LRFN2: variants seen among roughly 807,000 people sequenced by gnomAD.
The protein encoded by LRFN2 is leucine-rich repeat and fibronectin type-III domain-containing protein 2.
LRFN2 carries 18 observed loss-of-function variants against 37.3 expected under a neutral mutation model. That is an observed-to-expected ratio of 0.48 (90% CI 0.33 to 0.72). The LOEUF (loss-of-function observed/expected upper bound fraction) is 0.72, where lower values mean the gene tolerates loss of function less well. Ranked by LOEUF, LRFN2 falls within the 30% of genes least tolerant of loss-of-function variation. The probability of loss-of-function intolerance (pLI) is 0.02; values close to 1 mark genes in which losing one functional copy is unlikely to be tolerated. For synonymous variants in LRFN2, 556 were observed against 466.6 expected, an observed-to-expected ratio of 1.19 and a Z score of -2.47; for missense variants, 1,006 against 1,060.7, an observed-to-expected ratio of 0.95 and a Z score of 0.72.
intron 2 of LRFN2, 142 bp downstream of exon 2, chr6:40,431,572 G>T: frequency 1.7e-6 from 1 of 601,012 alleles, no homozygotes; most frequent in Non-Finnish European, 2.7e-6. Context: ...TTACCTGCAC[G>T]AATGGCACAG....
intron 2 of LRFN2, among the ~76,000 whole-genome samples, chr6:40,393,822 G>A (rs1762562732): frequency 2.0e-5 from 3 of 152,106 alleles, no homozygotes; most frequent in Admixed American, 6.5e-5. Flanking sequence ...GCCTGGAGAG[G>A]CCAGCACCAC....
At chr6:40,535,896 A>G (rs1297351703) in intron 1 of LRFN2, among the ~76,000 whole-genome samples, 1 of 152,000 alleles carries the variant, frequency 6.6e-6, no homozygotes, top group Middle Eastern at 3.2e-3. Context: ...GGGAAAGGGG[A>G]CAGTAAGAAA....
At chr6:40,478,330 TATTA>T (rs2113861725) in intron 1 of LRFN2, among the ~76,000 whole-genome samples, 1 of 152,368 alleles carries the variant, frequency 6.6e-6, no homozygotes, top group African/African-American at 2.4e-5. Context: ...GTGCTAATAA[TATTA>T]ATTGCCACCA....
intron 2 of LRFN2, among the ~76,000 whole-genome samples, chr6:40,429,631 A>AT (rs1422545275): frequency 6.6e-6 from 1 of 152,204 alleles, no homozygotes; most frequent in Non-Finnish European, 1.5e-5. Flanking sequence ...GTAAATATTT[A>AT]TATGTAATGT....
At chr6:40,582,089 GA>G (rs1767415247) in intron 1 of LRFN2, among the ~76,000 whole-genome samples, 1 of 152,190 alleles carries the variant, frequency 6.6e-6, no homozygotes, top group Admixed American at 6.5e-5. Flanking sequence ...GCATCCCCAG[GA>G]AGTTTATTAG....
intron 1 of LRFN2, among the ~76,000 whole-genome samples, chr6:40,461,838 A>G (rs1764355894): frequency 6.6e-6 from 1 of 152,188 alleles, no homozygotes; most frequent in Non-Finnish European, 1.5e-5. Context: ...AAAACCTCAC[A>G]CTCTATTAGT....
Position 40,461,415 on chromosome 6 carries a change from A to T in LRFN2, c.-18-28284T>A, listed in dbSNP as rs1764345276. On this transcript the variant is annotated intron_variant, in intron 1 of 2. Coordinates refer to ENST00000338305, the MANE Select transcript of LRFN2 (RefSeq NM_020737.3). Reference sequence around the variant, plus strand: ...AGAGTGAGACCCTGACTCTAAAAAAATAAAATAAAAACTAAAAAAAAGAAA... The same window carrying T: ...AGAGTGAGACCCTGACTCTAAAAAATTAAAATAAAAACTAAAAAAAAGAAA... Among the ~76,000 whole-genome samples, 4 of 152,200 alleles carry T rather than the reference A, an allele frequency of 2.6e-5. No individual in the cohort carries two copies. The South Asian group carries it at 8.3e-4, about 32-fold the overall frequency.
rs533317618 is a variant in LRFN2 at position 40,394,386 on chromosome 6, A to T, written c.1401-1474T>A. On this transcript the variant is annotated intron_variant, in intron 2 of 2. Transcript: ENST00000338305. ...CTCCACTCCCATTCTCCTATTCCCT[A>T]CTACTTGAGAATGAAAGGGCTCTAT... 2.6e-5 allele frequency among the ~76,000 whole-genome samples: 4 copies of T among 152,048 alleles called. No individual in the cohort carries two copies. In the South Asian group the frequency reaches 8.3e-4, roughly 32 times the overall value.
intron 2 of LRFN2, among the ~76,000 whole-genome samples, chr6:40,427,934 A>G (rs1204587292): frequency 1.3e-5 from 2 of 152,210 alleles, no homozygotes; most frequent in African/African-American, 4.8e-5. Flanking sequence ...GGGCTTTGGC[A>G]TTCCTCTCCA....
chr6:40,433,945 T>C (rs1280573846), intron 1 of LRFN2, among the ~76,000 whole-genome samples: 1 of 152,164 alleles, frequency 6.6e-6, no homozygotes, highest in Non-Finnish European at 1.5e-5. Context: ...CAGACGAGGA[T>C]TGATCATGGC....
At chr6:40,438,721 G>T (rs952537408) in intron 1 of LRFN2, among the ~76,000 whole-genome samples, 4 of 152,096 alleles carry the variant, frequency 2.6e-5, no homozygotes, top group African/African-American at 9.7e-5. Flanking sequence ...TGTGTTTCCT[G>T]CTTGGGGTTG....
At chr6:40,451,783 G>A (rs1006668343) in intron 1 of LRFN2, among the ~76,000 whole-genome samples, 10 of 152,154 alleles carry the variant, frequency 6.6e-5, no homozygotes, top group African/African-American at 2.4e-4. Flanking sequence ...GTGATCAGGG[G>A]AGGCAAGGTG....
intron 1 of LRFN2, among the ~76,000 whole-genome samples, chr6:40,488,079 C>T (rs926053042): frequency 7.9e-5 from 12 of 151,890 alleles, no homozygotes; most frequent in African/African-American, 2.4e-4. Flanking sequence ...GTTGGGAAGA[C>T]GAAAGCCAAC....
chr6:40,442,084 C>G (rs567107341), intron 1 of LRFN2, among the ~76,000 whole-genome samples: 93 of 152,320 alleles, frequency 6.1e-4, no homozygotes, highest in Non-Finnish European at 1.1e-3. Flanking sequence ...CTCTGAATCA[C>G]AGAGCACCCC....
At chr6:40,415,082 C>G (rs897880978) in intron 2 of LRFN2, among the ~76,000 whole-genome samples, 20 of 152,204 alleles carry the variant, frequency 1.3e-4, no homozygotes, top group Non-Finnish European at 1.9e-4. Flanking sequence ...AAAACCTGCA[C>G]ACATCTGAGG....
chr6:40,401,496 A>G (rs1203986181), intron 2 of LRFN2, among the ~76,000 whole-genome samples: 2 of 152,154 alleles, frequency 1.3e-5, no homozygotes, highest in African/African-American at 4.8e-5. Flanking sequence ...ATAACCTGGC[A>G]CACCGCTCTG....
chr6:40,574,681 C>T (rs548808473), intron 1 of LRFN2, among the ~76,000 whole-genome samples: 4 of 152,262 alleles, frequency 2.6e-5, no homozygotes, highest in Non-Finnish European at 4.4e-5. Flanking sequence ...CAGGTACCTG[C>T]GGCTCCAGAA....
chr6:40,428,051 T>TTCTA (rs1330334321), intron 2 of LRFN2, among the ~76,000 whole-genome samples: 1 of 152,242 alleles, frequency 6.6e-6, no homozygotes, highest in East Asian at 1.9e-4. Flanking sequence ...AGCAAGTTTC[T>TTCTA]TCTATCTAAA....
chr6:40,524,603 C>T (rs1449099565), intron 1 of LRFN2, among the ~76,000 whole-genome samples: 1 of 152,190 alleles, frequency 6.6e-6, no homozygotes, highest in Non-Finnish European at 1.5e-5. Context: ...TTCTCACTCA[C>T]TCTGTTGGCA....
Sources: allele counts gnomAD v4.1 joint callset (sites outside exome capture counted in the v4.1 genomes callset), GRCh38; gene constraint gnomAD v4.1.1; transcripts MANE v1.5; gene names NCBI Gene and HGNC (gene_info 2026-07-23, HGNC 2026-07-21).